SYCE1: variants seen among roughly 807,000 people sequenced by gnomAD.
The protein encoded by SYCE1 is synaptonemal complex central element protein 1.
A neutral mutation model predicts 55.1 loss-of-function variants in SYCE1; 37 were observed. The observed-to-expected ratio is 0.67, with a 90% CI of 0.52 to 0.88. SYCE1 has a LOEUF of 0.88. SYCE1 is among the 40% of genes least tolerant of loss of function. The pLI, the probability that SYCE1 is intolerant of heterozygous loss-of-function variation, is 0.00. For missense variants in SYCE1, 399 were observed against 416.4 expected (o/e 0.96, Z 0.36); for synonymous variants, 163 against 159.4 (o/e 1.02, Z -0.17).
At position 133,559,762 on chromosome 10, in the gene SYCE1, G is replaced by T; in HGVS notation, c.136+329C>A. The T allele has an allele frequency of 8.3e-6, 3 of 362,924 alleles. 1 individual carries two copies. Among genetic ancestry groups the T allele is most frequent in the Non-Finnish European group, 1.6e-5 (3 of 191,208 alleles). 22.5% of individuals were successfully genotyped at this position (362,924 alleles called of 1,614,324 possible). ...TGGGAACATGGCTGGCAGGAGCCTA[G>T]CGAGCAAAGAGGGAGTAGCGGGTGA... is the stretch of plus-strand genomic sequence containing the variant. On this transcript the variant is annotated intron_variant, in intron 2 of 12. Coordinates refer to ENST00000343131, the MANE Select transcript of SYCE1 (RefSeq NM_001143764.3).
intron 1 of SYCE1, chr10:133,560,915 T>C (rs1851802458): frequency 6.6e-6 from 1 of 152,194 alleles, no homozygotes; most frequent in South Asian, 2.1e-4. Flanking sequence ...ATTGCCTCCT[T>C]TGGAAAGGCT....
chr10:133,559,622 G>A, intron 2 of SYCE1: 1 of 487,776 alleles, frequency 2.1e-6, no homozygotes, highest in Admixed American at 3.3e-5. Flanking sequence ...GGAGTGGGAA[G>A]TGCTCCTGAG....
chr10:133,556,612 G>T, intron 8 of SYCE1, 147 bp downstream of exon 8: 1 of 791,066 alleles, frequency 1.3e-6, no homozygotes, highest in Non-Finnish European at 2.1e-6. Flanking sequence ...GAGGTGACAA[G>T]GGACTGGATT....
upstream of SYCE1, among the ~76,000 whole-genome samples, chr10:133,567,101 G>A (rs1851961610): frequency 2.0e-5 from 3 of 151,604 alleles, no homozygotes; most frequent in African/African-American, 4.9e-5. Flanking sequence ...TAGGGGTTAG[G>A]TGTAGGAGTA....
At chr10:133,568,287 T>A, upstream of SYCE1, 1 of 1,408,288 alleles carries the variant, frequency 7.1e-7, no homozygotes, top group African/African-American at 1.4e-5. Context: ...TTCTCCAGCC[T>A]GAGCCCGCCG....
At chr10:133,559,669 T>TGG (rs3841363) in intron 2 of SYCE1, 2 of 427,768 alleles carry the variant, frequency 4.7e-6, no homozygotes, top group East Asian at 4.8e-5. Flanking sequence ...AATCAAGTGG[T>TGG]GGGGGGCAGG....
rs1285091153 is a variant in SYCE1, at chr10:133,557,747, T to C, written c.374+117A>G. ...AAGGGGAAAGACATTCTTTGGACTCTCCATTGTTTAGAGGGAAACAATGAG... is the reference window on the plus strand; with the variant it reads ...AAGGGGAAAGACATTCTTTGGACTCCCCATTGTTTAGAGGGAAACAATGAG... On this transcript the variant is annotated intron_variant, in intron 6 of 12. Transcript: ENST00000343131. The C allele has an allele frequency of 5.1e-6, 6 of 1,185,646 alleles. No homozygotes were observed. The South Asian group carries it at 5.2e-5, about 10-fold the overall frequency. 73.4% of individuals were successfully genotyped at this position (1,185,646 alleles called of 1,614,324 possible).
chr10:133,557,021 C>T, intron 7 of SYCE1, 46 bp downstream of exon 7: 1 of 1,577,804 alleles, frequency 6.3e-7, no homozygotes. Flanking sequence ...CATTATATCC[C>T]AACTACTGGC....
Position 133,559,627 on chromosome 10 carries a change from C to G in SYCE1, c.137-267G>C, listed in dbSNP as rs1368307044. 3 of 480,796 alleles carry G rather than the reference C, an allele frequency of 6.2e-6. No individual in the cohort carries two copies. The East Asian group carries it at 1.2e-4, about 19-fold the overall frequency. 29.8% of individuals were successfully genotyped at this position (480,796 alleles called of 1,614,324 possible). A position where few individuals can be genotyped will look rare whatever the true frequency, so the allele number is the denominator to read the frequency against. ...AAAGAGCAAAGGAGTGGGAAGTGCT[C>G]CTGAGATATGGGAAGGGACCTGAGG... On this transcript the variant is annotated intron_variant, in intron 2 of 12. Coordinates refer to ENST00000343131, the MANE Select transcript of SYCE1 (RefSeq NM_001143764.3).
At chr10:133,565,886 C>T (rs889713398), upstream of SYCE1, among the ~76,000 whole-genome samples, 10 of 152,236 alleles carry the variant, frequency 6.6e-5, no homozygotes, top group African/African-American at 2.2e-4. Flanking sequence ...CCGAAGCTTC[C>T]TGTGAAGTGT....
intron 1 of SYCE1, among the ~76,000 whole-genome samples, chr10:133,561,810 A>G (rs1851820990): frequency 6.6e-6 from 1 of 151,652 alleles, no homozygotes; most frequent in Admixed American, 6.6e-5. Flanking sequence ...TCCTTTTCCT[A>G]TTGGGTTTGG....
At chr10:133,565,334 C>G (rs776027672) in intron 1 of SYCE1, 123 bp downstream of exon 1, 1 of 889,210 alleles carries the variant, frequency 1.1e-6, no homozygotes, top group Admixed American at 3.9e-5. Context: ...TGAAGAAACC[C>G]GCTAAGTCTC....
In SYCE1 at chr10:133,558,176, T is replaced by C. The variant is rs1039561352; in HGVS notation, c.310A>G (p.Lys104Glu). The change falls in exon 5 of 13, where the codon AAA becomes GAA. Residue 104 changes from lysine (K) to glutamate (E), a missense_variant. Coordinates refer to ENST00000343131, the MANE Select transcript of SYCE1 (RefSeq NM_001143764.3). ...GGGGAGCGGCAAATACCTTGTTTTT[T>C]GCTCAAGATCTCCTTCAGGTGTACT... ...EKVHLKEILS[K>E]KQETLRILRL... 17 of 1,614,070 alleles carry C rather than the reference T, an allele frequency of 1.1e-5. No individual in the cohort carries two copies. The African/African-American group carries it at 1.9e-4, about 18-fold the overall frequency.
intron 1 of SYCE1, chr10:133,560,657 A>T (rs2133624599): frequency 6.6e-6 from 1 of 152,400 alleles, no homozygotes; most frequent in African/African-American, 2.4e-5. Flanking sequence ...AAAATATTTC[A>T]TGTTAATTTT....
At chr10:133,558,776 A>G (rs750551163) in intron 4 of SYCE1, 101 bp downstream of exon 4, 22 of 1,172,014 alleles carry the variant, frequency 1.9e-5, no homozygotes, top group Non-Finnish European at 2.7e-5. Context: ...GAGAGGGTAC[A>G]GGACCCTTGG....
chr10:133,567,247 G>A (rs1007624162), upstream of SYCE1, among the ~76,000 whole-genome samples: 2 of 151,614 alleles, frequency 1.3e-5, no homozygotes, highest in African/African-American at 4.9e-5. Flanking sequence ...GGAGGCTTGG[G>A]TTCAGGGTCA....
chr10:133,555,957 G>T (rs573692858), intron 9 of SYCE1, 24 bp downstream of exon 9: 1 of 1,614,036 alleles, frequency 6.2e-7, no homozygotes, highest in South Asian at 1.1e-5. Context: ...TCAGATATGG[G>T]CCATCCACCT....
intron 1 of SYCE1, among the ~76,000 whole-genome samples, chr10:133,562,349 T>C (rs1215040577): frequency 6.6e-6 from 1 of 151,802 alleles, no homozygotes; most frequent in African/African-American, 2.4e-5. Flanking sequence ...TTCTTTTTTC[T>C]CTCTCCTAGG....
At chr10:133,567,882 G>A (rs749086422), upstream of SYCE1, 22 of 486,980 alleles carry the variant, frequency 4.5e-5, no homozygotes, top group South Asian at 1.8e-4. Context: ...TAGGTGGGAG[G>A]TGGGAGGCTG....
Sources: gnomAD v4.1 joint callset for allele counts (sites outside exome capture counted in the v4.1 genomes callset) on GRCh38, gnomAD v4.1.1 for gene constraint, MANE v1.5 for transcripts, NCBI Gene and HGNC (gene_info 2026-07-23, HGNC 2026-07-21) for gene names.